Variants in WAS observed in about 807,000 individuals in gnomAD.
WAS encodes the protein actin nucleation-promoting factor WAS.
A neutral mutation model predicts 38.9 loss-of-function variants in WAS; 1 was observed. That is an observed-to-expected ratio of 0.03 (90% CI 0.01 to 0.12). The LOEUF is 0.12. WAS is among the 10% of genes least tolerant of loss of function. WAS has a pLI of 1.00. For synonymous variants in WAS, 182 were observed against 173.6 expected, an observed-to-expected ratio of 1.05 and a Z score of -0.38; for missense variants, 311 against 431.2, an observed-to-expected ratio of 0.72 and a Z score of 2.47.
intron 7 of WAS, among the ~76,000 whole-genome samples, chrX:48,687,427 A>G (rs1557006869): frequency 9.1e-6 from 1 of 110,230 alleles, no homozygotes; most frequent in Non-Finnish European, 1.9e-5. Context: ...ATGAATGGAT[A>G]AGTGGTTGGA....
At position 48,688,960 on chromosome X, in the gene WAS, C is replaced by T. The variant is rs781967249; in HGVS notation, c.1232C>T (p.Ala411Val). 5 of 1,174,484 alleles carry T rather than the reference C, an allele frequency of 4.3e-6. No individual in the cohort carries two copies. The highest frequency in any genetic ancestry group is 5.7e-6 in the Non-Finnish European group (5 of 877,484). Reference protein sequence around the residue: ...PPPPSSGNGPAPPPLPPALVP... With the variant: ...PPPPSSGNGPVPPPLPPALVP... ...CCGCCCAGCTCCGGGAATGGACCAGCCCCTCCCCCACTCCCTCCTGCTCTG... is the reference window on the plus strand; with the variant it reads ...CCGCCCAGCTCCGGGAATGGACCAGTCCCTCCCCCACTCCCTCCTGCTCTG... Residue 411 changes from alanine (A) to valine (V), a missense_variant, in exon 10 of 12, where the codon GCC becomes GTC. Ala to Val is a moderately conservative substitution (Grantham distance 64, BLOSUM62 0). This residue lies in a region of WAS where 142 missense variants were observed against 157.6 expected (regional missense o/e 0.90). Coordinates refer to ENST00000376701, the MANE Select transcript of WAS (RefSeq NM_000377.3).
At chrX:48,681,836 T>C (rs1444202786), upstream of WAS, among the ~76,000 whole-genome samples, 1 of 111,537 alleles carries the variant, frequency 9.0e-6, no homozygotes, top group African/African-American at 3.3e-5. Context: ...AGAGAGGCTT[T>C]GAACCTGCAC....
At chrX:48,688,125 C>T (rs2147265736) in intron 8 of WAS, 29 bp downstream of exon 8, 1 of 1,191,619 alleles carries the variant, frequency 8.4e-7, no homozygotes. Context: ...TCTTGGACTC[C>T]ACTAAACTTC....
upstream of WAS, chrX:48,683,697 C>T (rs1279317107): frequency 3.4e-5 from 27 of 802,272 alleles, no homozygotes; most frequent in Admixed American, 1.1e-4. Context: ...CTCAGCCTAA[C>T]GAGGAGGCCA....
At chrX:48,676,646 C>T (rs2062391520) in exon 1 of WAS, 1 of 113,140 alleles carries the variant, frequency 8.8e-6, no homozygotes, top group Admixed American at 9.3e-5. Flanking sequence ...AGGAGAGAGG[C>T]CAACGGCCGC....
intron 2 of WAS, among the ~76,000 whole-genome samples, chrX:48,684,681 C>A (rs1293375014): frequency 8.9e-6 from 1 of 111,769 alleles, no homozygotes; most frequent in African/African-American, 3.3e-5. Context: ...TCCACAAATT[C>A]CAATAAATGA....
At position 48,685,533 on chromosome X, in the gene WAS, C is replaced by T; in HGVS notation, c.274-14C>T. On this transcript the variant is annotated splice_polypyrimidine_tract_variant and intron_variant, in intron 2 of 11. Coordinates refer to ENST00000376701, the MANE Select transcript of WAS (RefSeq NM_000377.3). ...CCTCAGTGCCACTGTGCCTCCCACC[C>T]TACACCTCTCCAGGCTGGTCGGCTG... The T allele has an allele frequency of 1.7e-6, 2 of 1,185,079 alleles. No homozygotes were observed. Among genetic ancestry groups the T allele is most frequent in the Non-Finnish European group, 2.3e-6 (2 of 881,461 alleles).
In WAS at chrX:48,691,207, G is replaced by A. The variant is rs782343875; in HGVS notation, c.*45G>A. 8.6e-7 allele frequency: 1 copy of A among 1,168,983 alleles called. No homozygotes were observed. Among genetic ancestry groups the A allele is most frequent in the Admixed American group, 2.2e-5 (1 of 45,735 alleles). Reference sequence around the variant, plus strand: ...CCCTGTGCTCCTCCCCGCAGGACATGGCTCCCCCTCCACCTGCTCTGTGCC... The same window carrying A: ...CCCTGTGCTCCTCCCCGCAGGACATAGCTCCCCCTCCACCTGCTCTGTGCC... On this transcript the variant is annotated 3_prime_UTR_variant, in exon 12 of 12. Transcript: ENST00000376701.
Position 48,691,411 on chromosome X carries a change from TTCTG to T in WAS, c.*253_*256del. ...TTAAAGAAAAATAAAAGAATTGTCT[TTCTG>T]TCTCTCTATAAATCTCAGTCTGTTT... is the stretch of plus-strand genomic sequence containing the variant. On this transcript the variant is annotated 3_prime_UTR_variant, in exon 12 of 12. Transcript: ENST00000376701. The T allele has an allele frequency of 2.4e-6, 1 of 413,515 alleles. No individual in the cohort carries two copies. Among genetic ancestry groups the T allele is most frequent in the Non-Finnish European group, 4.2e-6 (1 of 237,128 alleles). The allele number at this position is 413,515 out of a possible 1,213,427, so 34.1% of individuals were successfully genotyped here.
intron 6 of WAS, among the ~76,000 whole-genome samples, chrX:48,686,359 T>A (rs185865050): frequency 9.0e-6 from 1 of 111,223 alleles, no homozygotes; most frequent in Admixed American, 9.5e-5. Flanking sequence ...TCTAAGTAGA[T>A]AGATGCATAG....
chrX:48,677,146 G>C (rs924426353), intron 1 of WAS, among the ~76,000 whole-genome samples: 1 of 111,596 alleles, frequency 9.0e-6, no homozygotes, highest in Non-Finnish European at 1.9e-5. Flanking sequence ...GAGTAGGGCG[G>C]GGTCTCTGGT....
Position 48,684,005 on chromosome X carries a change from C to T in WAS, c.132+20C>T. The T allele has an allele frequency of 4.1e-6, 5 of 1,209,550 alleles. No individual in the cohort carries two copies. The highest frequency in any genetic ancestry group is 5.6e-6 in the Non-Finnish European group (5 of 894,035). On this transcript the variant is annotated intron_variant, in intron 1 of 11. Transcript: ENST00000376701. ...TGCTTGGTGAGCTGGGGATCTCCTGCCCCCGCCCCGTCCCCACCGTTTCTT... is the reference window on the plus strand; with the variant it reads ...TGCTTGGTGAGCTGGGGATCTCCTGTCCCCGCCCCGTCCCCACCGTTTCTT...
intron 10 of WAS, 126 bp downstream of exon 10, chrX:48,689,192 T>C: frequency 4.2e-6 from 4 of 955,459 alleles, no homozygotes; most frequent in Admixed American, 2.6e-5. Context: ...AGTGATAGGG[T>C]TGAAAGGTTG....
upstream of WAS, chrX:48,683,759 T>C: frequency 8.8e-7 from 1 of 1,133,409 alleles, no homozygotes; most frequent in Non-Finnish European, 1.2e-6. Context: ...CTTGTGGTTT[T>C]TTGCATTTCC....
At chrX:48,689,688 C>T in intron 11 of WAS, 1 of 375,600 alleles carries the variant, frequency 2.7e-6, no homozygotes, top group South Asian at 3.5e-5. Flanking sequence ...GTCATTCCCA[C>T]ATGTTCAGTA....
At chrX:48,677,186 A>G (rs2147258101) in intron 1 of WAS, among the ~76,000 whole-genome samples, 1 of 111,102 alleles carries the variant, frequency 9.0e-6, no homozygotes, top group South Asian at 3.9e-4. Context: ...AGCCTGTCCC[A>G]GCCCTGGGGG....
intron 1 of WAS, among the ~76,000 whole-genome samples, chrX:48,677,103 G>C (rs2062392604): frequency 8.9e-6 from 1 of 111,885 alleles, no homozygotes; most frequent in South Asian, 3.7e-4. Flanking sequence ...GGTGGGGCCT[G>C]ACTGGGCCAG....
At chrX:48,684,502 A>T in intron 2 of WAS, 79 bp downstream of exon 2, 1 of 1,122,403 alleles carries the variant, frequency 8.9e-7, no homozygotes, top group South Asian at 1.9e-5. Context: ...ATGTGTCCAT[A>T]GCTTCAAGAC....
rs782305649 is a variant in WAS, at chrX:48,684,309, G to A, written c.159G>A (p.Leu53=). The part of the protein sequence containing the change: ...CLTLATAVVQ[L]YLALPPGAEH... ...CGCTGGCCACTGCAGTTGTTCAGCT[G>A]TACCTGGCGCTGCCCCCTGGAGCTG... The change falls in exon 2 of 12, where the codon CTG becomes CTA. Residue 53 remains leucine (L), a synonymous_variant. Coordinates refer to ENST00000376701, the MANE Select transcript of WAS (RefSeq NM_000377.3). 5 of 1,211,738 alleles carry A rather than the reference G, an allele frequency of 4.1e-6. No homozygotes were observed. Among genetic ancestry groups the A allele is most frequent in the Non-Finnish European group, 5.6e-6 (5 of 895,516 alleles).
Sources: gnomAD v4.1 joint callset for allele counts (sites outside exome capture counted in the v4.1 genomes callset) on GRCh38, gnomAD v4.1.1 for gene constraint, gnomAD v4.1.1 regional missense constraint, MANE v1.5 for transcripts, NCBI Gene and HGNC (gene_info 2026-07-23, HGNC 2026-07-21) for gene names.